Variants in TENM2 observed in about 807,000 individuals in gnomAD.
TENM2 encodes teneurin-2.
Under a neutral mutation model 245.2 loss-of-function variants are expected in TENM2, and 52 were observed. The observed-to-expected ratio is 0.21, with a 90% CI of 0.17 to 0.27. TENM2 has a LOEUF of 0.27. Among genes scored for constraint, TENM2 ranks in the 10% least tolerant of loss-of-function variants. The pLI, the probability that TENM2 is intolerant of heterozygous loss-of-function variation, is 1.00. For missense variants in TENM2, 3,046 were observed against 3,666.8 expected (o/e 0.83, Z 4.37); for synonymous variants, 1,363 against 1,438.9 (o/e 0.95, Z 1.19).
chr5:167,999,428 TC>T (rs1205232015), intron 5 of TENM2, among the ~76,000 whole-genome samples: 1 of 152,210 alleles, frequency 6.6e-6, no homozygotes, highest in African/African-American at 2.4e-5. Context: ...GATAATAAAG[TC>T]CTGTCAGTGC....
At chr5:167,699,923 A>G (rs895769953) in intron 2 of TENM2, among the ~76,000 whole-genome samples, 3 of 152,236 alleles carry the variant, frequency 2.0e-5, no homozygotes, top group Non-Finnish European at 4.4e-5. Flanking sequence ...TGGAAAAATC[A>G]CATAGCTAGA....
intron 7 of TENM2, chr5:168,085,196 T>G (rs1484172595): frequency 6.6e-6 from 1 of 152,252 alleles, no homozygotes; most frequent in African/African-American, 2.4e-5. Flanking sequence ...ATGCCTGGCA[T>G]GTAGCAAGTG....
At chr5:167,945,514 C>T (rs942933320) in intron 3 of TENM2, among the ~76,000 whole-genome samples, 5 of 152,156 alleles carry the variant, frequency 3.3e-5, no homozygotes, top group African/African-American at 1.2e-4. Context: ...TTGGTGCTTA[C>T]TAAATGGGAG....
chr5:167,844,345 T>C (rs1391077976), intron 2 of TENM2, among the ~76,000 whole-genome samples: 4 of 152,244 alleles, frequency 2.6e-5, no homozygotes, highest in East Asian at 1.9e-4. Context: ...TTTCACATAT[T>C]GATTGACAAG....
intron 2 of TENM2, among the ~76,000 whole-genome samples, chr5:167,455,705 C>T (rs1765875933): frequency 6.6e-6 from 1 of 152,090 alleles, no homozygotes; most frequent in African/African-American, 2.4e-5. Flanking sequence ...CTGTGCCTCC[C>T]CAATTCTCCT....
At chr5:167,470,453 G>GTTTTTTTTTTTTTTTTTTTTTTTT (rs1766938434) in intron 2 of TENM2, among the ~76,000 whole-genome samples, 1 of 10,818 alleles carries the variant, frequency 9.2e-5, no homozygotes, top group Non-Finnish European at 1.8e-4. Flanking sequence ...GGCAATGCTT[G>GTTTTTTTTTTTTTTTTTTTTTTTT]CTTTTTTTTT....
intron 2 of TENM2, among the ~76,000 whole-genome samples, chr5:167,502,620 T>A (rs1769282631): frequency 6.6e-6 from 1 of 152,152 alleles, no homozygotes; most frequent in Non-Finnish European, 1.5e-5. Context: ...GGACACTACA[T>A]TTTGCATGGA....
chr5:167,927,556 A>AGAAG (rs1216001524), intron 3 of TENM2, among the ~76,000 whole-genome samples: 1 of 152,172 alleles, frequency 6.6e-6, no homozygotes, highest in Non-Finnish European at 1.5e-5. Context: ...CAATCCATAC[A>AGAAG]GAAGGCTTCC....
rs748683257 is a variant in TENM2 at position 168,115,406 on chromosome 5, A to AAGGG, written c.1814-2884_1814-2881dup. Among the ~76,000 whole-genome samples, 364 of 101,088 alleles carry AAGGG rather than the reference A, an allele frequency of 3.6e-3. 13 individuals carry two copies. The highest frequency in any genetic ancestry group is 6.3e-3 in the Non-Finnish European group (303 of 47,724). The allele number at this position is 101,088 out of a possible 152,430, so 66.3% of individuals were successfully genotyped here. A position where few individuals can be genotyped will look rare whatever the true frequency, so the allele number is the denominator to read the frequency against. Reference sequence around the variant, plus strand: ...GAAGGAAGGAAGGAAGGAAGGAAGGAAGGGAAAGGAAAGGAAGGAAAGAAA... The same window carrying AAGGG: ...GAAGGAAGGAAGGAAGGAAGGAAGGAAGGGAGGGAAAGGAAAGGAAGGAAAGAAA... On this transcript the variant is annotated intron_variant, in intron 9 of 28. Coordinates refer to ENST00000518659, the Ensembl canonical transcript of TENM2.
intron 2 of TENM2, among the ~76,000 whole-genome samples, chr5:167,716,106 G>A (rs147094981): frequency 2.2e-4 from 34 of 152,312 alleles, no homozygotes; most frequent in Non-Finnish European, 3.4e-4. Flanking sequence ...AGGCCATGGA[G>A]GAGCATGGCC....
chr5:167,439,803 C>T (rs142870952), intron 2 of TENM2, among the ~76,000 whole-genome samples: 1 of 152,276 alleles, frequency 6.6e-6, no homozygotes, highest in African/African-American at 2.4e-5. Context: ...TATCCATATT[C>T]ACCACTTTGA....
intron 1 of TENM2, among the ~76,000 whole-genome samples, chr5:167,343,246 C>A (rs1758235473): frequency 6.6e-6 from 1 of 152,080 alleles, no homozygotes; most frequent in Non-Finnish European, 1.5e-5. Flanking sequence ...ACCTGTATTT[C>A]TTGTCCCTAT....
chr5:168,030,788 G>A (rs1029508595), intron 5 of TENM2, among the ~76,000 whole-genome samples: 3 of 152,074 alleles, frequency 2.0e-5, no homozygotes, highest in East Asian at 1.9e-4. Context: ...TTCAGATATC[G>A]GATTAAAAGA....
chr5:167,160,840 C>T, the TENM2 span, among the ~76,000 whole-genome samples: 1 of 152,156 alleles, frequency 6.6e-6, no homozygotes, highest in African/African-American at 2.4e-5. Flanking sequence ...ACCTAGAACA[C>T]CAAGGAAGCT....
At chr5:167,873,198 AC>A (rs1773128867) in intron 2 of TENM2, among the ~76,000 whole-genome samples, 1 of 152,236 alleles carries the variant, frequency 6.6e-6, no homozygotes, top group African/African-American at 2.4e-5. Context: ...GAACTTTATA[AC>A]AAAATTACAA....
chr5:167,167,486 C>T, the TENM2 span, among the ~76,000 whole-genome samples: 3 of 152,138 alleles, frequency 2.0e-5, no homozygotes, highest in African/African-American at 4.8e-5. Flanking sequence ...CGTTCCCAAG[C>T]GTTTCCACAT....
chr5:167,509,547 C>G (rs1769783916), intron 2 of TENM2, among the ~76,000 whole-genome samples: 1 of 151,986 alleles, frequency 6.6e-6, no homozygotes, highest in African/African-American at 2.4e-5. Flanking sequence ...TATTTCTTAC[C>G]TCAGTTGTGA....
chr5:167,326,668 G>T (rs568405865), intron 1 of TENM2, among the ~76,000 whole-genome samples: 1 of 147,170 alleles, frequency 6.8e-6, no homozygotes, highest in Non-Finnish European at 1.5e-5. Context: ...ATGAGACTCC[G>T]TCAGAATAAT....
Position 168,215,085 on chromosome 5 carries a change from C to T in TENM2, c.3891C>T (p.Ser1297=), listed in dbSNP as rs781203817. 6 of 1,613,782 alleles carry T rather than the reference C, an allele frequency of 3.7e-6. No homozygotes were observed. The African/African-American group carries it at 4.0e-5, about 11-fold the overall frequency. ...ACTACTTGGCAGTGGACCCCGTGTC[C>T]GGCTCGCTCTACGTGTCCGACACCA... Residue 1297 remains serine, a synonymous_variant, in exon 21 of 29, where the codon TCC becomes TCT. Transcript: ENST00000518659.
Sources: allele counts gnomAD v4.1 joint callset (sites outside exome capture counted in the v4.1 genomes callset), GRCh38; gene constraint gnomAD v4.1.1; transcripts MANE v1.5; gene names NCBI Gene and HGNC (gene_info 2026-07-23, HGNC 2026-07-21).